Variants in SGK1 observed in about 807,000 individuals in gnomAD.
SGK1 encodes the protein serum/glucocorticoid regulated kinase 1.
SGK1 carries 26 observed loss-of-function variants against 64.2 expected under a neutral mutation model. The observed-to-expected ratio is 0.40, with a 90% CI of 0.30 to 0.56. SGK1 has a LOEUF of 0.56. Ranked by LOEUF, SGK1 falls within the 20% of genes least tolerant of loss-of-function variation. The pLI is 0.38. For synonymous variants in SGK1, 265 were observed against 239.7 expected (o/e 1.11, Z -0.98); for missense variants, 519 against 645.6 (o/e 0.80, Z 2.12).
rs1562259737 is a variant in SGK1 at position 134,232,429 on chromosome 6, A to AGAGAGAG, written c.286-24999_286-24998insCTCTCTC. 1.3e-3 allele frequency among the ~76,000 whole-genome samples: 73 copies of AGAGAGAG among 56,326 alleles called. 2 individuals carry two copies. Among genetic ancestry groups the AGAGAGAG allele is most frequent in the African/African-American group, 6.9e-3 (60 of 8,732 alleles). The allele number at this position is 56,326 out of a possible 152,430, so 37.0% of individuals were successfully genotyped here. On this transcript the variant is annotated intron_variant, in intron 2 of 13. Coordinates refer to ENST00000367858, the MANE Select transcript of SGK1 (RefSeq NM_001143676.3). ...AGAAAGAAAGAGAAAGAAAGAAAGA[A>AGAGAGAG]AGAAAGAAAGAAAGAAAGAAAGAAA...
chr6:134,228,536 T>G (rs942970931), intron 2 of SGK1, among the ~76,000 whole-genome samples: 2 of 152,206 alleles, frequency 1.3e-5, no homozygotes, highest in Non-Finnish European at 2.9e-5. Flanking sequence ...CTGTAAACTG[T>G]AGAAGAAGGG....
chr6:134,254,494 A>G (rs1265773640), intron 2 of SGK1, among the ~76,000 whole-genome samples: 2 of 152,206 alleles, frequency 1.3e-5, no homozygotes, highest in African/African-American at 4.8e-5. Context: ...TTCACTTTCT[A>G]CGAGTGAGGC....
chr6:134,272,456 A>G (rs1776954455), intron 1 of SGK1, among the ~76,000 whole-genome samples: 1 of 146,398 alleles, frequency 6.8e-6, no homozygotes, highest in Non-Finnish European at 1.5e-5. Flanking sequence ...GCCTGGCCTC[A>G]TTCCAGTGTT....
chr6:134,278,406 T>C (rs1310833943), intron 1 of SGK1, among the ~76,000 whole-genome samples: 2 of 152,224 alleles, frequency 1.3e-5, no homozygotes, highest in Admixed American at 6.5e-5. Flanking sequence ...ATTGCTTAAT[T>C]AAATTGAAAG....
At chr6:134,287,479 G>T in intron 1 of SGK1, among the ~76,000 whole-genome samples, 1 of 146,942 alleles carries the variant, frequency 6.8e-6, no homozygotes, top group African/African-American at 2.5e-5. Flanking sequence ...TGGTAATTTT[G>T]AGTTGTAGGA....
intron 1 of SGK1, 44 bp downstream of exon 1, chr6:134,317,348 G>T: frequency 8.3e-7 from 1 of 1,206,380 alleles, no homozygotes; most frequent in South Asian, 1.2e-5. Context: ...AAGCATTTAA[G>T]AGAAGCACAG....
chr6:134,172,079 G>A, intron 10 of SGK1, 114 bp downstream of exon 10: 2 of 1,147,354 alleles, frequency 1.7e-6, no homozygotes, highest in Non-Finnish European at 2.5e-6. Flanking sequence ...GCACTGAACT[G>A]TATTAAGAAG....
At chr6:134,240,291 CAAAAAA>C (rs148740677) in intron 2 of SGK1, among the ~76,000 whole-genome samples, 6 of 84,454 alleles carry the variant, frequency 7.1e-5, no homozygotes, top group African/African-American at 1.7e-4. Flanking sequence ...GACTCCATCT[CAAAAAA>C]AAAAAAAAAA....
intron 3 of SGK1, chr6:134,177,643 A>G: frequency 9.3e-6 from 15 of 1,609,468 alleles, no homozygotes; most frequent in Non-Finnish European, 1.3e-5. Context: ...TCTGCAAAAT[A>G]TAGTACGGTA....
chr6:134,291,290 A>G (rs1425506693), intron 1 of SGK1, among the ~76,000 whole-genome samples: 1 of 152,158 alleles, frequency 6.6e-6, no homozygotes, highest in Non-Finnish European at 1.5e-5. Context: ...TAAAATAAAA[A>G]TTACAGGAGG....
chr6:134,192,897 C>T (rs1207349211), intron 3 of SGK1, among the ~76,000 whole-genome samples: 1 of 152,122 alleles, frequency 6.6e-6, no homozygotes, highest in Admixed American at 6.6e-5. Context: ...CTACCCTTCA[C>T]CTGCACCTCT....
chr6:134,204,951 C>T (rs1775745530), intron 3 of SGK1, among the ~76,000 whole-genome samples: 1 of 147,508 alleles, frequency 6.8e-6, no homozygotes, highest in Non-Finnish European at 1.5e-5. Context: ...CTCCCTCCCT[C>T]CTTTTCTTTC....
intron 9 of SGK1, 147 bp from the exon 10 acceptor site, chr6:134,172,463 C>A: frequency 1.2e-6 from 1 of 859,468 alleles, no homozygotes; most frequent in Non-Finnish European, 1.8e-6. Flanking sequence ...TTGTTCTGCT[C>A]ATCTATTCTG....
At chr6:134,299,884 A>G (rs774954303) in intron 1 of SGK1, among the ~76,000 whole-genome samples, 2 of 151,372 alleles carry the variant, frequency 1.3e-5, no homozygotes, top group African/African-American at 4.9e-5. Flanking sequence ...ACCTATACTC[A>G]AGAAGGTCCA....
At chr6:134,205,492 T>C (rs904436720) in intron 3 of SGK1, among the ~76,000 whole-genome samples, 1 of 151,920 alleles carries the variant, frequency 6.6e-6, no homozygotes, top group East Asian at 1.9e-4. Flanking sequence ...TTTCTGCTAA[T>C]AGGCACAGCC....
intron 2 of SGK1, among the ~76,000 whole-genome samples, chr6:134,213,674 C>T (rs922037171): frequency 7.2e-6 from 1 of 138,446 alleles, no homozygotes; most frequent in African/African-American, 2.5e-5. Flanking sequence ...TCATGAAACA[C>T]CTGTGGCTTA....
chr6:134,314,798 T>G (rs1426052794), intron 1 of SGK1, among the ~76,000 whole-genome samples: 9 of 151,998 alleles, frequency 5.9e-5, no homozygotes, highest in Admixed American at 2.0e-4. Context: ...TATGGTTTTT[T>G]TTTTTTTTTT....
At chr6:134,300,002 G>A (rs1042960507) in intron 1 of SGK1, among the ~76,000 whole-genome samples, 1 of 152,096 alleles carries the variant, frequency 6.6e-6, no homozygotes. Flanking sequence ...GAGAAAATAA[G>A]AGAGTTTATT....
At chr6:134,255,695 C>T (rs1290621926) in intron 2 of SGK1, among the ~76,000 whole-genome samples, 1 of 150,018 alleles carries the variant, frequency 6.7e-6, no homozygotes, top group Non-Finnish European at 1.5e-5. Context: ...AGCGATTCTC[C>T]TGCCTCAGTC....
Sources: allele counts gnomAD v4.1 joint callset (sites outside exome capture counted in the v4.1 genomes callset), GRCh38; gene constraint gnomAD v4.1.1; transcripts MANE v1.5; gene names NCBI Gene and HGNC (gene_info 2026-07-23, HGNC 2026-07-21).